The following GRK5 variants were observed in gnomAD, a reference collection of about 807,000 sequenced individuals.
GRK5 encodes G protein-coupled receptor kinase 5.
Under a neutral mutation model 78.4 loss-of-function variants are expected in GRK5, and 40 were observed. The ratio of observed to expected loss-of-function variants is 0.51; its 90% CI spans 0.40 to 0.66. GRK5 has a LOEUF of 0.66. GRK5 is among the 30% of genes least tolerant of loss of function. The pLI, the probability that GRK5 is intolerant of heterozygous loss-of-function variation, is 0.00. For missense variants in GRK5, 598 were observed against 759.9 expected (o/e 0.79, Z 2.50); for synonymous variants, 289 against 296.8 (o/e 0.97, Z 0.27).
At chr10:119,371,042 G>A (rs1851538203) in intron 2 of GRK5, among the ~76,000 whole-genome samples, 1 of 145,676 alleles carries the variant, frequency 6.9e-6, no homozygotes. Flanking sequence ...CCCAGTGTTA[G>A]CATTTCCATT....
Position 119,458,741 on chromosome 10 carries a change from G to A in GRK5, c.*3674G>A, listed in dbSNP as rs1386571959. 1 of 152,328 alleles carries A rather than the reference G, an allele frequency of 6.6e-6. No homozygotes were observed. Among genetic ancestry groups the A allele is most frequent in the African/African-American group, 2.4e-5 (1 of 41,438 alleles). 9.4% of individuals were successfully genotyped at this position (152,328 alleles called of 1,614,324 possible). A position where few individuals can be genotyped will look rare whatever the true frequency, so the allele number is the denominator to read the frequency against. ...GTCTCCATGCGTCTCCCGGGAGCCT[G>A]GCCCCGCTGCAGAAATCCCTTCTCT... On this transcript the variant is annotated 3_prime_UTR_variant, in exon 16 of 16. Transcript: ENST00000392870.
chr10:119,344,073 C>T (rs1266046253), intron 2 of GRK5, among the ~76,000 whole-genome samples: 1 of 151,056 alleles, frequency 6.6e-6, no homozygotes, highest in Non-Finnish European at 1.5e-5. Context: ...TTTCTTTTTT[C>T]TTTTTCTTTT....
At chr10:119,432,308 T>G in intron 8 of GRK5, among the ~76,000 whole-genome samples, 1 of 152,016 alleles carries the variant, frequency 6.6e-6, no homozygotes, top group Admixed American at 6.6e-5. Flanking sequence ...TAAAGCTGGG[T>G]GCAGTGGTAC....
At chr10:119,259,755 G>A (rs1849342717) in intron 1 of GRK5, among the ~76,000 whole-genome samples, 1 of 152,162 alleles carries the variant, frequency 6.6e-6, no homozygotes, top group Admixed American at 6.5e-5. Context: ...TGTGGCTTGT[G>A]CTACCAAGGA....
chr10:119,234,168 C>T (rs188946352), intron 1 of GRK5, among the ~76,000 whole-genome samples: 49 of 152,278 alleles, frequency 3.2e-4, no homozygotes, highest in Admixed American at 2.9e-3. Flanking sequence ...CAGCCTCCCT[C>T]GGAGGTAAAT....
At chr10:119,282,525 AG>A (rs796608246) in intron 1 of GRK5, among the ~76,000 whole-genome samples, 9 of 152,294 alleles carry the variant, frequency 5.9e-5, no homozygotes, top group African/African-American at 2.2e-4. Context: ...CTCCTAGACC[AG>A]GGTCGGGTTC....
Position 119,459,073 on chromosome 10 carries a change from A to T in GRK5, c.*4006A>T, listed in dbSNP as rs977371524. The T allele has an allele frequency of 2.6e-5, 4 of 152,202 alleles. No individual in the cohort carries two copies. Among genetic ancestry groups the T allele is most frequent in the Non-Finnish European group, 5.9e-5 (4 of 68,044 alleles). 9.4% of individuals were successfully genotyped at this position (152,202 alleles called of 1,614,324 possible). On this transcript the variant is annotated 3_prime_UTR_variant, in exon 16 of 16. Coordinates refer to ENST00000392870, the MANE Select transcript of GRK5 (RefSeq NM_005308.3). ...TCATAACCCAACACTCTGAGATAGG[A>T]TCTTCCAACTTTTTAGCCCCGGCTG...
In GRK5 at chr10:119,275,611, T is replaced by TCTCTCTCTCTCTCTCG. The variant is rs574879389; in HGVS notation, c.53-50904_53-50903insTCTCTCTCTCTCTCGC. Among the ~76,000 whole-genome samples, 8 of 123,968 alleles carry TCTCTCTCTCTCTCTCG rather than the reference T, an allele frequency of 6.5e-5. No individual in the cohort carries two copies. The East Asian group carries it at 1.1e-3, about 16-fold the overall frequency. The allele number at this position is 123,968 out of a possible 152,430, so 81.3% of individuals were successfully genotyped here. ...CGCTCTCTCTCTCTCTCTCTCTCTC[T>TCTCTCTCTCTCTCTCG]CGCACACACACACACACACACACAC... On this transcript the variant is annotated intron_variant, in intron 1 of 15. Transcript: ENST00000392870.
chr10:119,415,459 G>A (rs1406697263), intron 4 of GRK5, among the ~76,000 whole-genome samples: 1 of 152,178 alleles, frequency 6.6e-6, no homozygotes, highest in East Asian at 1.9e-4. Flanking sequence ...ATAGGCATTG[G>A]GGGCCGCTGA....
intron 1 of GRK5, among the ~76,000 whole-genome samples, chr10:119,319,786 A>G (rs1317543928): frequency 6.6e-6 from 1 of 152,252 alleles, no homozygotes; most frequent in Admixed American, 6.5e-5. Context: ...CCTGAGCCTC[A>G]GCTTTCTCAT....
rs2133926216 is a variant in GRK5, at chr10:119,457,400, A to T, written c.*2333A>T. On this transcript the variant is annotated 3_prime_UTR_variant, in exon 16 of 16. Transcript: ENST00000392870. ...GTGGCTGCCGTGTTTCTAGGTCATG[A>T]GAGCTCTGGCGATACTACCACAAGG... is the stretch of plus-strand genomic sequence containing the variant. 6.6e-6 allele frequency: 1 copy of T among 152,322 alleles called. No individual in the cohort carries two copies. Among genetic ancestry groups the T allele is most frequent in the East Asian group, 1.9e-4 (1 of 5,190 alleles). 9.4% of individuals were successfully genotyped at this position (152,322 alleles called of 1,614,324 possible). A position where few individuals can be genotyped will look rare whatever the true frequency, so the allele number is the denominator to read the frequency against.
intron 2 of GRK5, among the ~76,000 whole-genome samples, chr10:119,351,962 A>G (rs567398148): frequency 5.9e-5 from 9 of 152,360 alleles, no homozygotes; most frequent in African/African-American, 1.2e-4. Flanking sequence ...CTATATGGCA[A>G]TTGATCAAAT....
intron 1 of GRK5, among the ~76,000 whole-genome samples, chr10:119,284,532 G>A (rs1849815175): frequency 6.6e-6 from 1 of 152,186 alleles, no homozygotes; most frequent in Non-Finnish European, 1.5e-5. Context: ...ATGCTAAGCA[G>A]TTACAATCCA....
At chr10:119,212,905 G>C (rs960705295) in intron 1 of GRK5, 2 of 152,306 alleles carry the variant, frequency 1.3e-5, no homozygotes, top group African/African-American at 2.4e-5. Context: ...TGGAGGCTGA[G>C]GAAGATCATT....
intron 1 of GRK5, among the ~76,000 whole-genome samples, chr10:119,316,590 C>T (rs559104106): frequency 6.6e-6 from 1 of 152,330 alleles, no homozygotes; most frequent in East Asian, 1.9e-4. Flanking sequence ...TAGACTCCCT[C>T]GCAGAACCCA....
intron 1 of GRK5, among the ~76,000 whole-genome samples, chr10:119,298,309 A>G (rs1390191716): frequency 6.6e-6 from 1 of 152,150 alleles, no homozygotes; most frequent in East Asian, 1.9e-4. Context: ...GCTGACACCT[A>G]GTGGGAATTA....
In GRK5 at chr10:119,443,689, C is replaced by T; in HGVS notation, c.1203C>T (p.Val401=). 2 of 1,613,316 alleles carry T rather than the reference C, an allele frequency of 1.2e-6. No homozygotes were observed. The change falls in exon 12 of 16, where the codon GTC becomes GTT. Residue 401 remains valine, a synonymous_variant. Coordinates refer to ENST00000392870, the MANE Select transcript of GRK5 (RefSeq NM_005308.3). ...KVKREEVDRR[V]LETEEVYSHK... is the part of the protein sequence containing the mutation. The stretch of plus-strand genomic sequence containing the variant: ...AGCGGGAGGAGGTGGACCGCCGGGT[C>T]CTGGAGACGGAGGAGGTGTACTCCC...
Position 119,412,071 on chromosome 10 carries a change from G to A in GRK5, c.340-11095G>A, listed in dbSNP as rs1589795780. ...TCATCATGTTGGCCAGGCTGGTCTC[G>A]AACTCCTGACCTCAGGTGATCCACC... On this transcript the variant is annotated intron_variant, in intron 4 of 15. Transcript: ENST00000392870. The surrounding 1 kb of genome is among the most constrained non-coding windows in gnomAD (Gnocchi z 4.3). Among the ~76,000 whole-genome samples the A allele has an allele frequency of 6.6e-6, 1 of 151,850 alleles. No homozygotes were observed.
At chr10:119,244,673 G>A (rs1422713079) in intron 1 of GRK5, among the ~76,000 whole-genome samples, 1 of 152,182 alleles carries the variant, frequency 6.6e-6, no homozygotes, top group Admixed American at 6.5e-5. Flanking sequence ...GGTCGAAGCT[G>A]CAGTGAGCTG....
Sources: allele counts gnomAD v4.1 joint callset (sites outside exome capture counted in the v4.1 genomes callset), GRCh38; gene constraint gnomAD v4.1.1; non-coding constraint Gnocchi (gnomAD v3.1); transcripts MANE v1.5; gene names NCBI Gene and HGNC (gene_info 2026-07-23, HGNC 2026-07-21).